CNTN3: variants seen among roughly 807,000 people sequenced by gnomAD.
CNTN3 encodes contactin-3.
CNTN3 carries 60 observed loss-of-function variants against 119.1 expected under a neutral mutation model. The observed-to-expected ratio is 0.50, with a 90% CI of 0.41 to 0.62. The LOEUF (loss-of-function observed/expected upper bound fraction) is 0.62. Ranked by LOEUF, CNTN3 falls within the 20% of genes least tolerant of loss-of-function variation. The pLI, the probability that CNTN3 is intolerant of heterozygous loss-of-function variation, is 0.00. For missense variants in CNTN3, 1,101 were observed against 1,242.4 expected (o/e 0.89, Z 1.71); for synonymous variants, 450 against 438.7 (o/e 1.03, Z -0.32).
At chr3:74,568,278 G>A (rs1704257605) in intron 1 of CNTN3, among the ~76,000 whole-genome samples, 1 of 152,218 alleles carries the variant, frequency 6.6e-6, no homozygotes, top group East Asian at 1.9e-4. Flanking sequence ...GCAGCCATAT[G>A]TATGCACATG....
At chr3:74,364,428 A>G in intron 10 of CNTN3, 39 bp downstream of exon 10, 5 of 1,587,666 alleles carry the variant, frequency 3.1e-6, no homozygotes, top group Non-Finnish European at 4.3e-6. Context: ...AGGATTTAAG[A>G]CAAAAAATTA....
chr3:74,521,254 A>T (rs938044572), intron 1 of CNTN3, 62 bp from the exon 2 acceptor site: 48 of 432,394 alleles, frequency 1.1e-4, no homozygotes, highest in Admixed American at 2.2e-4. Flanking sequence ...TTTAAAAAAG[A>T]GATTTTCTTC....
At chr3:74,404,806 T>C (rs1705285413) in intron 5 of CNTN3, among the ~76,000 whole-genome samples, 1 of 151,978 alleles carries the variant, frequency 6.6e-6, no homozygotes, top group Admixed American at 6.6e-5. Context: ...AAAAATAGTC[T>C]ATTTAAAATT....
At chr3:74,311,696 C>A (rs1702688292) in intron 13 of CNTN3, among the ~76,000 whole-genome samples, 1 of 152,190 alleles carries the variant, frequency 6.6e-6, no homozygotes, top group Admixed American at 6.5e-5. Flanking sequence ...GGCCAGCTAA[C>A]CTGACTTTTG....
chr3:74,409,697 T>G (rs2106867805), intron 5 of CNTN3, among the ~76,000 whole-genome samples: 1 of 152,284 alleles, frequency 6.6e-6, no homozygotes, highest in Admixed American at 6.5e-5. Flanking sequence ...TACATGACAC[T>G]TCAACTGAGA....
rs1705229736 is a variant in CNTN3 at position 74,402,764 on chromosome 3, T to C, written c.454+22081A>G. 2.0e-5 allele frequency among the ~76,000 whole-genome samples: 3 copies of C among 152,270 alleles called. No individual in the cohort carries two copies. The South Asian group carries it at 6.2e-4, about 32-fold the overall frequency. On this transcript the variant is annotated intron_variant, in intron 5 of 22. Coordinates refer to ENST00000263665, the MANE Select transcript of CNTN3 (RefSeq NM_020872.3). The stretch of plus-strand genomic sequence containing the variant: ...CTATGAAGAAAATAAACCCAGGTGA[T>C]ACAATAAAGAGCGACTGGGAAGAAA...
chr3:74,597,109 T>C (rs1356045226), intron 1 of CNTN3, among the ~76,000 whole-genome samples: 1 of 152,078 alleles, frequency 6.6e-6, no homozygotes, highest in Non-Finnish European at 1.5e-5. Flanking sequence ...AACTCCAGTC[T>C]CTACCCATTA....
intron 2 of CNTN3, among the ~76,000 whole-genome samples, chr3:74,501,713 G>T (rs1703169686): frequency 6.7e-6 from 1 of 150,288 alleles, no homozygotes; most frequent in Admixed American, 6.7e-5. Context: ...CATCCTTTGA[G>T]AAAGCAGCTT....
chr3:74,395,726 T>C (rs1705031405), intron 5 of CNTN3, among the ~76,000 whole-genome samples: 1 of 125,068 alleles, frequency 8.0e-6, no homozygotes, highest in African/African-American at 2.7e-5. Flanking sequence ...CTTTGTTTTA[T>C]TGTGCTTTGC....
intron 4 of CNTN3, among the ~76,000 whole-genome samples, chr3:74,449,068 G>A (rs1318632939): frequency 6.6e-6 from 1 of 151,908 alleles, no homozygotes; most frequent in Non-Finnish European, 1.5e-5. Context: ...ATCTGTGCTT[G>A]TCCTATTTTA....
chr3:74,400,586 A>G (rs1323628253), intron 5 of CNTN3, among the ~76,000 whole-genome samples: 2 of 152,192 alleles, frequency 1.3e-5, no homozygotes, highest in Admixed American at 1.3e-4. Context: ...CTTAGGTTTA[A>G]GAGTGTAATT....
intron 5 of CNTN3, among the ~76,000 whole-genome samples, chr3:74,381,442 C>T (rs1269544454): frequency 6.6e-6 from 1 of 152,102 alleles, no homozygotes; most frequent in Non-Finnish European, 1.5e-5. Flanking sequence ...GTCTGCCCTT[C>T]AAACCAGTAG....
chr3:74,601,080 T>C (rs1182052932), intron 1 of CNTN3, among the ~76,000 whole-genome samples: 2 of 150,850 alleles, frequency 1.3e-5, no homozygotes, highest in African/African-American at 4.9e-5. Context: ...TATATTTTTA[T>C]ATTTATATAA....
chr3:74,320,329 T>A (rs1029535895), intron 13 of CNTN3, among the ~76,000 whole-genome samples: 1 of 152,202 alleles, frequency 6.6e-6, no homozygotes, highest in Non-Finnish European at 1.5e-5. Flanking sequence ...CATGGAATAC[T>A]ATGCAGCCAT....
At chr3:74,344,508 C>A (rs1268203255) in intron 11 of CNTN3, among the ~76,000 whole-genome samples, 3 of 145,428 alleles carry the variant, frequency 2.1e-5, no homozygotes, top group Non-Finnish European at 3.0e-5. Context: ...TCACTGCAAG[C>A]TCCGCCTCCC....
At chr3:74,353,571 A>T (rs1359132529) in intron 11 of CNTN3, among the ~76,000 whole-genome samples, 2 of 152,170 alleles carry the variant, frequency 1.3e-5, no homozygotes, top group Admixed American at 6.5e-5. Flanking sequence ...CCCGGCTAAC[A>T]CGGTGAAACC....
At chr3:74,404,727 A>C (rs1449225542) in intron 5 of CNTN3, among the ~76,000 whole-genome samples, 1 of 152,040 alleles carries the variant, frequency 6.6e-6, no homozygotes, top group Non-Finnish European at 1.5e-5. Context: ...TAAGGAAACC[A>C]GACAAGATTT....
chr3:74,301,523 G>T lies in CNTN3; in HGVS notation c.1970C>A (p.Thr657Lys), dbSNP rs139861462. Residue 657 changes from threonine to lysine, a missense_variant, in exon 16 of 23, where the codon ACG becomes AAG. By Grantham distance (78) the Thr-to-Lys change is moderately conservative. Transcript: ENST00000263665. Reference protein sequence around the residue: ...TTVPEVIDGKTHTATVVELNP... With the variant: ...TTVPEVIDGKKHTATVVELNP... ...TAACTCAACTACAGTGGCTGTGTGC[G>T]TCTTCCCATCGATGACCTCAGGCAC... 3 of 1,613,864 alleles carry T rather than the reference G, an allele frequency of 1.9e-6. No homozygotes were observed. Among genetic ancestry groups the T allele is most frequent in the African/African-American group, 2.7e-5 (2 of 74,902 alleles).
At position 74,302,788 on chromosome 3, in the gene CNTN3, A is replaced by G; in HGVS notation, c.1688T>C (p.Met563Thr). The change falls in exon 14 of 23, where the codon ATG becomes ACG. Residue 563 changes from methionine to threonine, a missense_variant. Physicochemically the swap from Met to Thr is moderately conservative, Grantham distance 81. Coordinates refer to ENST00000263665, the MANE Select transcript of CNTN3 (RefSeq NM_020872.3). ...GTGTTTCAGCTGAATGTTTCTGATC[A>G]TTAAATCACCAGATGAACTCTGTTG... ...KVGGSSSGDL[M>T]IRNIQLKHSG... The G allele has an allele frequency of 6.2e-7, 1 of 1,611,128 alleles. No homozygotes were observed. Among genetic ancestry groups the G allele is most frequent in the Non-Finnish European group, 8.5e-7 (1 of 1,177,592 alleles).
Sources: gnomAD v4.1 joint callset for allele counts (sites outside exome capture counted in the v4.1 genomes callset) on GRCh38, gnomAD v4.1.1 for gene constraint, MANE v1.5 for transcripts, NCBI Gene and HGNC (gene_info 2026-07-23, HGNC 2026-07-21) for gene names.